The following OR56A3 variants were observed in gnomAD, a reference collection of about 807,000 sequenced individuals.
The protein encoded by OR56A3 is olfactory receptor 56A3.
In OR56A3, 23 loss-of-function variants were observed where a neutral mutation model predicts 17.5. The ratio of observed to expected loss-of-function variants is 1.32; its 90% CI spans 0.95 to 1.87. The LOEUF (loss-of-function observed/expected upper bound fraction) is 1.87, where lower values mean the gene tolerates loss of function less well. OR56A3 is among the 40% of genes most tolerant of loss of function. OR56A3 has a pLI of 0.00. For synonymous variants in OR56A3, 175 were observed against 150.6 expected (o/e 1.16, Z -1.19); for missense variants, 366 against 380.1 (o/e 0.96, Z 0.31).
At chr11:5,985,035 T>C in the OR56A3 span, among the ~76,000 whole-genome samples, 4 of 152,232 alleles carry the variant, frequency 2.6e-5, no homozygotes, top group African/African-American at 9.6e-5. Flanking sequence ...GAAGATCTAA[T>C]TGACACCACT....
chr11:5,981,434 C>T, the OR56A3 span, among the ~76,000 whole-genome samples: 2 of 151,836 alleles, frequency 1.3e-5, no homozygotes, highest in Admixed American at 6.5e-5. Context: ...GAGATTATTT[C>T]CTTAGTTTGT....
the OR56A3 span, among the ~76,000 whole-genome samples, chr11:6,018,431 A>G: frequency 6.6e-6 from 1 of 152,110 alleles, no homozygotes; most frequent in Admixed American, 6.5e-5. Context: ...GAAATTAAAC[A>G]AGCTCCTAAA....
At chr11:5,968,026 G>A in the OR56A3 span, 1 of 1,598,258 alleles carries the variant, frequency 6.3e-7, no homozygotes, top group Non-Finnish European at 8.5e-7. Context: ...ATAGTAAGAA[G>A]GCCATTCCTG....
the OR56A3 span, among the ~76,000 whole-genome samples, chr11:5,990,972 G>A: frequency 6.6e-6 from 1 of 152,030 alleles, no homozygotes; most frequent in Non-Finnish European, 1.5e-5. Context: ...TCCCTGCTTA[G>A]CCCCAGGAAC....
chr11:5,986,796 A>C, the OR56A3 span: 1 of 1,614,058 alleles, frequency 6.2e-7, no homozygotes, highest in Non-Finnish European at 8.5e-7. Flanking sequence ...GGGGCAGTGC[A>C]ATCCAGTGCT....
chr11:5,980,729 T>G, the OR56A3 span, among the ~76,000 whole-genome samples: 7 of 152,142 alleles, frequency 4.6e-5, no homozygotes, highest in Admixed American at 3.3e-4. Context: ...TGTTTTTAGT[T>G]GGCTGTTATG....
chr11:5,986,314 G>A, the OR56A3 span: 1 of 1,613,988 alleles, frequency 6.2e-7, no homozygotes, highest in East Asian at 2.2e-5. Context: ...TTCTGAGCAG[G>A]CAAGTTTCAC....
At position 5,949,647 on chromosome 11, in the gene OR56A3, T is replaced by G. The variant is rs774371633; in HGVS notation, c.*1353T>G. 2.0e-5 allele frequency: 3 copies of G among 152,158 alleles called. No homozygotes were observed. The highest frequency in any genetic ancestry group is 4.4e-5 in the Non-Finnish European group (3 of 68,032). The allele number at this position is 152,158 out of a possible 1,614,324, so 9.4% of individuals were successfully genotyped here. On this transcript the variant is annotated 3_prime_UTR_variant, in exon 3 of 3. Coordinates refer to ENST00000641160, the MANE Select transcript of OR56A3 (RefSeq NM_001003443.3). Reference sequence around the variant, plus strand: ...CAAGGAAAATTTCTCAAGTATCAAATACCAAGACTGTCCCAAATGTCCGAA... The same window carrying G: ...CAAGGAAAATTTCTCAAGTATCAAAGACCAAGACTGTCCCAAATGTCCGAA...
chr11:5,952,502 A>T (rs923320131), downstream of OR56A3, among the ~76,000 whole-genome samples: 1 of 151,598 alleles, frequency 6.6e-6, no homozygotes, highest in Admixed American at 6.6e-5. Context: ...AAATAATTAC[A>T]TTATTATTGT....
the OR56A3 span, among the ~76,000 whole-genome samples, chr11:5,962,610 C>T: frequency 6.7e-6 from 1 of 150,150 alleles, no homozygotes; most frequent in Non-Finnish European, 1.5e-5. Context: ...GCAATCTCGG[C>T]TCACTGCAAG....
chr11:5,965,918 G>T, the OR56A3 span, among the ~76,000 whole-genome samples: 2 of 151,904 alleles, frequency 1.3e-5, no homozygotes, highest in Non-Finnish European at 2.9e-5. Flanking sequence ...CATATAGGAG[G>T]GACATAATGT....
At chr11:6,002,841 G>A in the OR56A3 span, 1 of 1,614,014 alleles carries the variant, frequency 6.2e-7, no homozygotes, top group Non-Finnish European at 8.5e-7. Context: ...CAGCTGGATG[G>A]TGATCAGGAG....
At chr11:5,964,516 T>C in the OR56A3 span, among the ~76,000 whole-genome samples, 1 of 152,132 alleles carries the variant, frequency 6.6e-6, no homozygotes, top group African/African-American at 2.4e-5. Context: ...GGGTTGGAAT[T>C]CCATGGCTTC....
chr11:5,998,015 C>A, the OR56A3 span, among the ~76,000 whole-genome samples: 1 of 152,110 alleles, frequency 6.6e-6, no homozygotes, highest in Non-Finnish European at 1.5e-5. Context: ...CTTGGAAAGC[C>A]TCTCGGTACC....
the OR56A3 span, chr11:5,986,122 T>C: frequency 1.7e-4 from 282 of 1,613,890 alleles, 1 homozygote; most frequent in Middle Eastern, 2.1e-3. Context: ...TCCAGGGACA[T>C]AGAAGACCAG....
chr11:5,962,147 G>A, the OR56A3 span, among the ~76,000 whole-genome samples: 4 of 152,056 alleles, frequency 2.6e-5, no homozygotes, highest in Non-Finnish European at 4.4e-5. Flanking sequence ...GAAATGATTC[G>A]ATGATTTTTG....
At chr11:6,015,373 C>G in the OR56A3 span, among the ~76,000 whole-genome samples, 45,577 of 151,926 alleles carry the variant, frequency 0.3, 8,013 homozygotes, top group East Asian at 0.78. Context: ...CAAAGTGGCT[C>G]AGGTATACCT....
chr11:5,967,247 T>A, the OR56A3 span: 180 of 279,178 alleles, frequency 6.4e-4, no homozygotes, highest in African/African-American at 3.8e-3. Flanking sequence ...GGAATTATAT[T>A]TATCCTTTGT....
chr11:5,946,187 T>C (rs1380872886), intron 2 of OR56A3, among the ~76,000 whole-genome samples: 1 of 152,248 alleles, frequency 6.6e-6, no homozygotes, highest in Non-Finnish European at 1.5e-5. Flanking sequence ...ACCCTATTTA[T>C]AATGATATTT....
Sources: allele counts gnomAD v4.1 joint callset (sites outside exome capture counted in the v4.1 genomes callset), GRCh38; gene constraint gnomAD v4.1.1; transcripts MANE v1.5; gene names NCBI Gene and HGNC (gene_info 2026-07-23, HGNC 2026-07-21).